Variants in ECT2L observed in about 807,000 individuals in gnomAD.
The protein encoded by ECT2L is epithelial cell-transforming sequence 2 oncogene-like.
Under a neutral mutation model 122.8 loss-of-function variants are expected in ECT2L, and 126 were observed. The ratio of observed to expected loss-of-function variants is 1.03; its 90% CI spans 0.89 to 1.19. The LOEUF is 1.19. Among genes scored for constraint, ECT2L ranks in the 50% most tolerant of loss-of-function variants. ECT2L has a pLI of 0.00. For synonymous variants in ECT2L, 385 were observed against 381.8 expected, an observed-to-expected ratio of 1.01 and a Z score of -0.10; for missense variants, 1,012 against 1,064.1, an observed-to-expected ratio of 0.95 and a Z score of 0.68.
At chr6:138,876,234 G>A (rs1296978823) in intron 13 of ECT2L, among the ~76,000 whole-genome samples, 4 of 152,160 alleles carry the variant, frequency 2.6e-5, no homozygotes, top group African/African-American at 7.2e-5. Flanking sequence ...AGGGAGCTAC[G>A]CTGGATTTAG....
intron 5 of ECT2L, 27 bp downstream of exon 5, chr6:138,838,541 T>G (rs772205101): frequency 1.3e-6 from 2 of 1,598,096 alleles, no homozygotes; most frequent in African/African-American, 2.7e-5. Flanking sequence ...TTCCTAGTAA[T>G]AGGGCACAAG....
intron 11 of ECT2L, among the ~76,000 whole-genome samples, chr6:138,863,198 C>A (rs1777901421): frequency 6.6e-6 from 1 of 152,150 alleles, no homozygotes; most frequent in African/African-American, 2.4e-5. Context: ...GATACTAAAG[C>A]TGCAAATTTA....
chr6:138,880,390 C>T (rs1344705440), intron 14 of ECT2L, among the ~76,000 whole-genome samples: 1 of 152,148 alleles, frequency 6.6e-6, no homozygotes, highest in East Asian at 1.9e-4. Context: ...AGGAGGAGTC[C>T]TCATGACCCA....
At chr6:138,826,821 T>C (rs558764114) in intron 4 of ECT2L, among the ~76,000 whole-genome samples, 1 of 152,194 alleles carries the variant, frequency 6.6e-6, no homozygotes, top group South Asian at 2.1e-4. Context: ...GTCTTCGTGA[T>C]AGTGAGTTCC....
At chr6:138,849,878 G>A (rs1017663823) in intron 9 of ECT2L, among the ~76,000 whole-genome samples, 6 of 152,058 alleles carry the variant, frequency 3.9e-5, no homozygotes, top group African/African-American at 1.4e-4. Flanking sequence ...TTTGATGACC[G>A]TTTTTTCAAA....
chr6:138,822,006 A>G (rs1437916298), intron 4 of ECT2L, among the ~76,000 whole-genome samples: 2 of 152,276 alleles, frequency 1.3e-5, no homozygotes, highest in Non-Finnish European at 2.9e-5. Context: ...TCTGACCTCC[A>G]GAACCGTAAG....
chr6:138,829,267 T>C (rs57812820), intron 4 of ECT2L, among the ~76,000 whole-genome samples: 2,963 of 152,310 alleles, frequency 0.019, 93 homozygotes, highest in African/African-American at 0.067. Flanking sequence ...CCCTGTTTCC[T>C]TTCGGTGGGA....
At chr6:138,866,792 GCCTGGTGTAGTGGCTCATGCCTGTAATC>G (rs1437228715) in intron 12 of ECT2L, among the ~76,000 whole-genome samples, 1 of 152,196 alleles carries the variant, frequency 6.6e-6, no homozygotes, top group Non-Finnish European at 1.5e-5. Context: ...TATATTTGAA[GCCTGGTGTAGTGGCTCATGCCTGTAATC>G]CCAGCAGTTT....
intron 1 of ECT2L, among the ~76,000 whole-genome samples, chr6:138,800,155 G>C (rs888610536): frequency 1.3e-5 from 2 of 152,138 alleles, no homozygotes; most frequent in African/African-American, 4.8e-5. Flanking sequence ...CTGCTTTTCA[G>C]AGCGAGATAA....
intron 3 of ECT2L, among the ~76,000 whole-genome samples, chr6:138,814,220 C>T (rs559874867): frequency 6.6e-6 from 1 of 152,182 alleles, no homozygotes; most frequent in African/African-American, 2.4e-5. Context: ...CTTTGTTTTC[C>T]AGAGGCCCTT....
chr6:138,810,677 T>C (rs1044734786), intron 1 of ECT2L, among the ~76,000 whole-genome samples: 1 of 152,212 alleles, frequency 6.6e-6, no homozygotes, highest in Non-Finnish European at 1.5e-5. Flanking sequence ...AGGATTGCTA[T>C]GAATCCTTTA....
intron 4 of ECT2L, among the ~76,000 whole-genome samples, chr6:138,820,162 T>A (rs1776225909): frequency 6.6e-6 from 1 of 152,184 alleles, no homozygotes; most frequent in South Asian, 2.1e-4. Context: ...ACCCCCACCC[T>A]ACCAAGGGTG....
chr6:138,832,836 T>C (rs1776698898), intron 4 of ECT2L, among the ~76,000 whole-genome samples: 1 of 152,182 alleles, frequency 6.6e-6, no homozygotes, highest in African/African-American at 2.4e-5. Flanking sequence ...CCCAGTGCTT[T>C]TAGCTGTTTG....
chr6:138,843,048 T>C lies in ECT2L; in HGVS notation c.412T>C (p.Tyr138His). Residue 138 changes from tyrosine to histidine, a missense_variant, in exon 6 of 22, where the codon TAT becomes CAT. Tyr to His is a moderately conservative substitution (Grantham distance 83). Transcript: ENST00000541398. ...FLPYTPTDNEYGAWKRHYIAC... is the reference protein window; with the variant it reads ...FLPYTPTDNEHGAWKRHYIAC... ...GCCCTATACTCCAACAGATAATGAG[T>C]ATGGTGCTTGGAAGCGCCATTACAT... is the stretch of plus-strand genomic sequence containing the variant. 6.2e-7 allele frequency: 1 copy of C among 1,613,450 alleles called. No homozygotes were observed. Among genetic ancestry groups the C allele is most frequent in the Non-Finnish European group, 8.5e-7 (1 of 1,179,566 alleles).
intron 9 of ECT2L, among the ~76,000 whole-genome samples, chr6:138,852,412 AT>A (rs925673628): frequency 6.6e-6 from 1 of 150,728 alleles, no homozygotes; most frequent in Non-Finnish European, 1.5e-5. Flanking sequence ...TATAGCTTGC[AT>A]TGTTCCTTGC....
At chr6:138,895,376 AACC>A (rs1779172759) in intron 20 of ECT2L, among the ~76,000 whole-genome samples, 1 of 152,234 alleles carries the variant, frequency 6.6e-6, no homozygotes, top group East Asian at 1.9e-4. Flanking sequence ...GTAGGACAGG[AACC>A]ACGTTATGGG....
intron 4 of ECT2L, among the ~76,000 whole-genome samples, chr6:138,815,744 G>A (rs1295478725): frequency 1.3e-5 from 2 of 152,216 alleles, no homozygotes; most frequent in African/African-American, 2.4e-5. Context: ...ACTTGGTGGT[G>A]AGGTTGCAGG....
At chr6:138,851,482 CTT>C (rs56921189) in intron 9 of ECT2L, among the ~76,000 whole-genome samples, 24,050 of 109,064 alleles carry the variant, frequency 0.22, 2,519 homozygotes, top group African/African-American at 0.34. Flanking sequence ...TGTGCCTAGC[CTT>C]TTTTTTTTTT....
At chr6:138,894,679 G>C (rs188287813) in intron 20 of ECT2L, among the ~76,000 whole-genome samples, 38 of 152,232 alleles carry the variant, frequency 2.5e-4, no homozygotes, top group African/African-American at 8.7e-4. Context: ...TGTAGACAAA[G>C]AACAATTATG....
Sources: allele counts gnomAD v4.1 joint callset (sites outside exome capture counted in the v4.1 genomes callset), GRCh38; gene constraint gnomAD v4.1.1; transcripts MANE v1.5; gene names NCBI Gene and HGNC (gene_info 2026-07-23, HGNC 2026-07-21).